IRAG1: variants seen among roughly 807,000 people sequenced by gnomAD.
IRAG1 encodes IP3R-associated cGMP kinase substrate.
A neutral mutation model predicts 106.2 loss-of-function variants in IRAG1; 62 were observed. The ratio of observed to expected loss-of-function variants is 0.58; its 90% CI spans 0.48 to 0.72. IRAG1 has a LOEUF of 0.72. Ranked by LOEUF, IRAG1 falls within the 30% of genes least tolerant of loss-of-function variation. IRAG1 has a pLI of 0.00. For synonymous variants in IRAG1, 462 were observed against 443.9 expected (o/e 1.04, Z -0.51); for missense variants, 1,064 against 1,140.7 (o/e 0.93, Z 0.97).
At chr11:10,585,442 G>A (rs1439603917) in intron 18 of IRAG1, among the ~76,000 whole-genome samples, 2 of 151,104 alleles carry the variant, frequency 1.3e-5, no homozygotes, top group Non-Finnish European at 2.9e-5. Flanking sequence ...TTCTCTGTTT[G>A]ACAGATGAGG....
intron 2 of IRAG1, among the ~76,000 whole-genome samples, chr11:10,636,860 C>T (rs1372651924): frequency 2.6e-5 from 4 of 152,252 alleles, no homozygotes; most frequent in African/African-American, 9.6e-5. Flanking sequence ...CAAAGGGAAT[C>T]GCATTAGCAA....
chr11:10,630,794 G>A (rs548869331), intron 4 of IRAG1, among the ~76,000 whole-genome samples: 8 of 152,298 alleles, frequency 5.3e-5, no homozygotes, highest in South Asian at 2.1e-4. Flanking sequence ...GGTTCCATTC[G>A]TCTTTGGGCA....
rs764328514 is a variant in IRAG1 at position 10,576,551 on chromosome 11, G to T, written c.2520C>A (p.Phe840Leu). 2 of 1,613,982 alleles carry T rather than the reference G, an allele frequency of 1.2e-6. No individual in the cohort carries two copies. The highest frequency in any genetic ancestry group is 3.3e-5 in the Admixed American group (2 of 60,026). ...RSSKLEELVH[F>L]LQVMYPKLCQ... Reference sequence around the variant, plus strand: ...ACAGTTTGGGATACATGACTTGTAAGAAATGGACCAATTCTTCAAGTTTGC... The same window carrying T: ...ACAGTTTGGGATACATGACTTGTAATAAATGGACCAATTCTTCAAGTTTGC... The change falls in exon 21 of 21, where the codon TTC (phenylalanine) becomes TTA (leucine). Residue 840 changes from phenylalanine to leucine, a missense_variant. Coordinates refer to ENST00000423302, the MANE Select transcript of IRAG1 (RefSeq NM_130385.4).
intron 1 of IRAG1, among the ~76,000 whole-genome samples, chr11:10,674,358 G>T (rs1188610676): frequency 6.6e-6 from 1 of 152,170 alleles, no homozygotes; most frequent in Non-Finnish European, 1.5e-5. Context: ...TGCTAGCAAA[G>T]ACATTCAAAT....
At chr11:10,671,504 G>C (rs113127866) in intron 1 of IRAG1, among the ~76,000 whole-genome samples, 31 of 152,154 alleles carry the variant, frequency 2.0e-4, no homozygotes, top group African/African-American at 6.8e-4. Context: ...CTGAGGCCAG[G>C]AGTTTGAGAC....
intron 18 of IRAG1, among the ~76,000 whole-genome samples, chr11:10,587,884 T>G: frequency 6.6e-6 from 1 of 152,256 alleles, no homozygotes; most frequent in East Asian, 1.9e-4. Flanking sequence ...GGGCATGTGC[T>G]CTGCTATCTA....
chr11:10,602,711 A>G (rs565311936), intron 14 of IRAG1, among the ~76,000 whole-genome samples: 1 of 152,342 alleles, frequency 6.6e-6, no homozygotes, highest in South Asian at 2.1e-4. Flanking sequence ...TACTAGCTCC[A>G]TGGGAGTTGA....
intron 11 of IRAG1, among the ~76,000 whole-genome samples, chr11:10,607,260 A>C (rs1197970581): frequency 6.6e-6 from 1 of 152,206 alleles, no homozygotes; most frequent in Non-Finnish European, 1.5e-5. Flanking sequence ...ATATCCACCC[A>C]GGTCTGCAAA....
chr11:10,629,218 C>T (rs1856504557), intron 5 of IRAG1, among the ~76,000 whole-genome samples: 1 of 152,156 alleles, frequency 6.6e-6, no homozygotes, highest in Non-Finnish European at 1.5e-5. Flanking sequence ...TACACACTTG[C>T]CCAACTTTTT....
At chr11:10,617,265 T>A in intron 10 of IRAG1, 1 of 850,704 alleles carries the variant, frequency 1.2e-6, no homozygotes, top group Non-Finnish European at 1.4e-6. Flanking sequence ...AACTATGCAG[T>A]AGATACACTT....
At chr11:10,581,706 T>C (rs560669326) in intron 19 of IRAG1, among the ~76,000 whole-genome samples, 161 bp downstream of exon 19, 2 of 152,314 alleles carry the variant, frequency 1.3e-5, no homozygotes, top group East Asian at 1.9e-4. Flanking sequence ...GTCCTTCCTG[T>C]GGAACAGTCT....
intron 2 of IRAG1, among the ~76,000 whole-genome samples, chr11:10,634,702 A>G (rs1857003028): frequency 6.6e-6 from 1 of 151,116 alleles, no homozygotes. Flanking sequence ...GCTCACCCAC[A>G]TTGTTGCAAA....
At chr11:10,612,051 A>G (rs1227253979) in intron 10 of IRAG1, among the ~76,000 whole-genome samples, 2 of 152,224 alleles carry the variant, frequency 1.3e-5, no homozygotes, top group Non-Finnish European at 2.9e-5. Flanking sequence ...CGGTAAAGTA[A>G]ATAAAACACG....
chr11:10,669,985 T>G (rs1332941563), intron 1 of IRAG1, among the ~76,000 whole-genome samples: 1 of 152,202 alleles, frequency 6.6e-6, no homozygotes, highest in African/African-American at 2.4e-5. Context: ...GATAGACAGC[T>G]GCACTAACCG....
At chr11:10,631,893 A>G (rs986041476) in intron 4 of IRAG1, 98 bp downstream of exon 4, 4 of 923,206 alleles carry the variant, frequency 4.3e-6, no homozygotes, top group Non-Finnish European at 1.8e-6. Flanking sequence ...ATCGGGAGGG[A>G]GCGCCTTAAA....
At chr11:10,658,244 C>T (rs1859084895) in intron 1 of IRAG1, 1 of 152,328 alleles carries the variant, frequency 6.6e-6, no homozygotes, top group South Asian at 2.1e-4. Context: ...AAGCCCCATC[C>T]TGCTTCCTAA....
intron 1 of IRAG1, among the ~76,000 whole-genome samples, chr11:10,654,001 T>C (rs559280893): frequency 1.1e-4 from 17 of 152,188 alleles, no homozygotes; most frequent in African/African-American, 2.6e-4. Flanking sequence ...TGATGGGACA[T>C]GGTGGGTGGG....
intron 1 of IRAG1, among the ~76,000 whole-genome samples, chr11:10,692,815 T>G (rs1862164358): frequency 6.6e-6 from 1 of 152,214 alleles, no homozygotes; most frequent in African/African-American, 2.4e-5. Flanking sequence ...TGGGCCTCTC[T>G]CTGGCCTCTG....
In IRAG1 at chr11:10,576,178, G is replaced by T; in HGVS notation, c.*154C>A. On this transcript the variant is annotated 3_prime_UTR_variant, in exon 21 of 21. Coordinates refer to ENST00000423302, the MANE Select transcript of IRAG1 (RefSeq NM_130385.4). Reference sequence around the variant, plus strand: ...AACATCAAGTCACTGTGTATGAATAGCTCCCACAGAAGTGCCGAGTGTTAA... The same window carrying T: ...AACATCAAGTCACTGTGTATGAATATCTCCCACAGAAGTGCCGAGTGTTAA... 1.1e-6 allele frequency: 1 copy of T among 928,014 alleles called. No individual in the cohort carries two copies. The highest frequency in any genetic ancestry group is 1.6e-6 in the Non-Finnish European group (1 of 628,304). 57.5% of individuals were successfully genotyped at this position (928,014 alleles called of 1,614,324 possible).
Sources: allele counts gnomAD v4.1 joint callset (sites outside exome capture counted in the v4.1 genomes callset), GRCh38; gene constraint gnomAD v4.1.1; transcripts MANE v1.5; gene names NCBI Gene and HGNC (gene_info 2026-07-23, HGNC 2026-07-21).